The following GLRA2 variants were observed in gnomAD, a reference collection of about 807,000 sequenced individuals.
GLRA2 encodes the protein glycine receptor alpha 2.
Under a neutral mutation model 31.6 loss-of-function variants are expected in GLRA2, and 11 were observed. The ratio of observed to expected loss-of-function variants is 0.35; its 90% confidence interval spans 0.22 to 0.58. The LOEUF (loss-of-function observed/expected upper bound fraction) is 0.58. GLRA2 is among the 20% of genes least tolerant of loss of function. The probability of loss-of-function intolerance (pLI) is 0.84; values close to 1 mark genes in which losing one functional copy is unlikely to be tolerated. For missense variants in GLRA2, 212 were observed against 351.8 expected (o/e 0.60, Z 3.18); for synonymous variants, 132 against 134.0 (o/e 0.99, Z 0.10).
intron 7 of GLRA2, among the ~76,000 whole-genome samples, chrX:14,624,922 G>A (rs989090250): frequency 5.4e-5 from 6 of 111,035 alleles, no homozygotes; most frequent in Admixed American, 9.6e-5. Context: ...TTTCTTTCTC[G>A]TTGATCTGTC....
intron 7 of GLRA2, among the ~76,000 whole-genome samples, chrX:14,617,304 C>G (rs1183261996): frequency 9.0e-6 from 1 of 111,691 alleles, no homozygotes; most frequent in Non-Finnish European, 1.9e-5. Flanking sequence ...GTGTCAGGCA[C>G]TATGTTATAA....
At chrX:14,612,167 C>A (rs771002402) in intron 7 of GLRA2, among the ~76,000 whole-genome samples, 2 of 111,545 alleles carry the variant, frequency 1.8e-5, no homozygotes, top group East Asian at 5.7e-4. Context: ...GGGCAAAGGA[C>A]AGAACAGACA....
intron 4 of GLRA2, among the ~76,000 whole-genome samples, chrX:14,599,447 G>A (rs2090243512): frequency 8.9e-6 from 1 of 112,358 alleles, no homozygotes; most frequent in East Asian, 2.8e-4. Context: ...CACCCAAAGT[G>A]GGTGAAAAGC....
intron 7 of GLRA2, among the ~76,000 whole-genome samples, chrX:14,687,344 T>C (rs1439872052): frequency 1.8e-5 from 2 of 111,896 alleles, no homozygotes; most frequent in Non-Finnish European, 3.8e-5. Context: ...AATTTGAATG[T>C]TGGCCTGCCT....
chrX:14,666,942 A>G (rs2091043268), intron 7 of GLRA2, among the ~76,000 whole-genome samples: 2 of 112,261 alleles, frequency 1.8e-5, no homozygotes, highest in Admixed American at 9.5e-5. Flanking sequence ...TCAATCATCT[A>G]TTCTCTTGTA....
intron 4 of GLRA2, among the ~76,000 whole-genome samples, chrX:14,593,261 C>G (rs1183293081): frequency 1.0e-5 from 1 of 99,791 alleles, no homozygotes; most frequent in East Asian, 2.8e-4. Flanking sequence ...CAAGTTTCTT[C>G]TCGCTTGTGG....
At chrX:14,707,225 G>A (rs1368833032) in intron 8 of GLRA2, among the ~76,000 whole-genome samples, 1 of 111,435 alleles carries the variant, frequency 9.0e-6, no homozygotes, top group African/African-American at 3.3e-5. Flanking sequence ...AGTGACACAT[G>A]CTTAGGGCCA....
chrX:14,613,940 G>A (rs1166390298), intron 7 of GLRA2, among the ~76,000 whole-genome samples: 2 of 111,811 alleles, frequency 1.8e-5, no homozygotes, highest in East Asian at 5.7e-4. Context: ...TTAATAGACA[G>A]CTAAAGTATC....
intron 8 of GLRA2, among the ~76,000 whole-genome samples, chrX:14,699,833 A>G (rs1166064695): frequency 2.7e-5 from 3 of 111,770 alleles, no homozygotes; most frequent in Non-Finnish European, 5.6e-5. Context: ...TTGCAGGGAC[A>G]TGGATGGAGC....
At position 14,608,975 on chromosome X, in the gene GLRA2, C is replaced by T. The variant is rs1228051612; in HGVS notation, c.716-16C>T. 3 of 769,506 alleles carry T rather than the reference C, an allele frequency of 3.9e-6. No homozygotes were observed. Among genetic ancestry groups the T allele is most frequent in the African/African-American group, 4.3e-5 (2 of 46,235 alleles). 63.4% of individuals were successfully genotyped at this position (769,506 alleles called of 1,213,427 possible). A position where few individuals can be genotyped will look rare whatever the true frequency, so the allele number is the denominator to read the frequency against. On this transcript the variant is annotated splice_polypyrimidine_tract_variant and intron_variant, in intron 6 of 8. Coordinates refer to ENST00000218075, the MANE Select transcript of GLRA2 (RefSeq NM_002063.4). ...AAATTCAGGCTGGACTTTAAATGAT[C>T]ATTTCCTCCTTCTAGGAAAGTTTAC...
the GLRA2 span, among the ~76,000 whole-genome samples, chrX:14,488,529 A>G: frequency 1.8e-5 from 2 of 112,277 alleles, no homozygotes; most frequent in Non-Finnish European, 3.8e-5. Flanking sequence ...GTCACTTTCC[A>G]TCCTCACCTA....
chrX:14,688,085 G>A (rs2091299943), intron 7 of GLRA2, among the ~76,000 whole-genome samples: 1 of 111,993 alleles, frequency 8.9e-6, no homozygotes, highest in South Asian at 3.7e-4. Context: ...CTGTTTGCCT[G>A]GGTATCAGCA....
At chrX:14,637,178 T>C (rs2090719203) in intron 7 of GLRA2, among the ~76,000 whole-genome samples, 1 of 112,346 alleles carries the variant, frequency 8.9e-6, no homozygotes, top group Non-Finnish European at 1.9e-5. Context: ...CTATCATCTG[T>C]GATGGGGGTA....
At chrX:14,469,384 A>T in the GLRA2 span, among the ~76,000 whole-genome samples, 1 of 110,611 alleles carries the variant, frequency 9.0e-6, no homozygotes, top group African/African-American at 3.3e-5. Context: ...GCTAATAAAG[A>T]CACATGCACA....
At chrX:14,492,364 T>C in the GLRA2 span, among the ~76,000 whole-genome samples, 2 of 111,020 alleles carry the variant, frequency 1.8e-5, no homozygotes, top group African/African-American at 6.6e-5. Context: ...AGGAATAGAC[T>C]AAAATCCAAT....
intron 7 of GLRA2, among the ~76,000 whole-genome samples, chrX:14,654,734 C>T (rs1400724901): frequency 1.8e-5 from 2 of 111,358 alleles, no homozygotes; most frequent in Non-Finnish European, 3.8e-5. Flanking sequence ...TGTATTAGTC[C>T]ATTTTCACAC....
At chrX:14,549,565 ATAAACT>A (rs1009083645) in intron 2 of GLRA2, among the ~76,000 whole-genome samples, 25 of 111,810 alleles carry the variant, frequency 2.2e-4, no homozygotes, top group African/African-American at 7.1e-4. Flanking sequence ...GATTCACAAG[ATAAACT>A]TAAGGTAAAA....
intron 8 of GLRA2, among the ~76,000 whole-genome samples, chrX:14,726,036 G>A (rs2091925180): frequency 8.9e-6 from 1 of 112,102 alleles, no homozygotes; most frequent in South Asian, 3.7e-4. Flanking sequence ...TGAGTTTCTG[G>A]CTAATCAGAA....
chrX:14,730,246 G>A lies in GLRA2; in HGVS notation c.1120G>A (p.Gly374Ser), dbSNP rs909312779. ...TCGTGAAAGTCGTTTTAATTTTAGC[G>A]GTTATGGGATGGGTCACTGCCTCCA... ...VTRESRFNFSGYGMGHCLQVK... is the reference protein window; with the variant it reads ...VTRESRFNFSSYGMGHCLQVK... Residue 374 changes from glycine (G) to serine (S), a missense_variant, in exon 9 of 9, where the codon GGT becomes AGT. Physicochemically the swap from Gly to Ser is moderately conservative, Grantham distance 56 (BLOSUM62 0). This residue lies in a region of GLRA2 where 2 missense variants were observed against 18.7 expected (regional missense o/e 0.11). Coordinates refer to ENST00000218075, the MANE Select transcript of GLRA2 (RefSeq NM_002063.4). The A allele has an allele frequency of 4.2e-6, 5 of 1,199,177 alleles. No homozygotes were observed. The highest frequency in any genetic ancestry group is 1.8e-5 in the South Asian group (1 of 56,711).
Sources: allele counts gnomAD v4.1 joint callset (sites outside exome capture counted in the v4.1 genomes callset), GRCh38; gene constraint gnomAD v4.1.1; regional missense constraint gnomAD v4.1.1; transcripts MANE v1.5; gene names NCBI Gene and HGNC (gene_info 2026-07-23, HGNC 2026-07-21).